The following BMPR1B variants were observed in gnomAD, a reference collection of about 807,000 sequenced individuals.
The protein encoded by BMPR1B is bone morphogenetic protein receptor type 1B.
A neutral mutation model predicts 59.1 loss-of-function variants in BMPR1B; 12 were observed. That is an observed-to-expected ratio of 0.20 (90% confidence interval 0.13 to 0.33). The LOEUF is 0.33. Among genes scored for constraint, BMPR1B ranks in the 10% least tolerant of loss-of-function variants. BMPR1B has a pLI of 1.00. For missense variants in BMPR1B, 550 were observed against 610.9 expected (o/e 0.90, Z 1.05); for synonymous variants, 237 against 207.3 (o/e 1.14, Z -1.23).
chr4:94,941,102 A>G (rs1448363637), intron 2 of BMPR1B, among the ~76,000 whole-genome samples: 1 of 152,146 alleles, frequency 6.6e-6, no homozygotes, highest in East Asian at 1.9e-4. Flanking sequence ...TAGTTGTAAA[A>G]CGGGCCTCCT....
At chr4:95,049,680 A>G (rs1726320043) in intron 3 of BMPR1B, among the ~76,000 whole-genome samples, 1 of 151,632 alleles carries the variant, frequency 6.6e-6, no homozygotes. Flanking sequence ...GTATTGCTGT[A>G]TAAGTTCAAT....
chr4:94,848,585 TAGAC>T (rs1725435958), intron 1 of BMPR1B, among the ~76,000 whole-genome samples: 2 of 151,254 alleles, frequency 1.3e-5, no homozygotes, highest in African/African-American at 2.4e-5. Flanking sequence ...ATTGGTCTCA[TAGAC>T]AGTCTTAAGG....
chr4:94,907,649 C>A (rs965077146), intron 2 of BMPR1B, among the ~76,000 whole-genome samples: 8 of 151,882 alleles, frequency 5.3e-5, no homozygotes, highest in African/African-American at 1.5e-4. Flanking sequence ...CCACGGCACC[C>A]TAGAGTCCAT....
Position 95,034,569 on chromosome 4 carries a change from C to T in BMPR1B, c.-18+38435C>T, listed in dbSNP as rs539959719. Among the ~76,000 whole-genome samples the T allele has an allele frequency of 1.1e-4, 17 of 152,082 alleles. No homozygotes were observed. The South Asian group carries it at 2.3e-3, about 20-fold the overall frequency. ...CCTGAATTATTTCACTTAGAATAAC[C>T]GCCTCCAGCTCCATCCAGATTACTG... On this transcript the variant is annotated intron_variant, in intron 3 of 12. Transcript: ENST00000515059.
chr4:94,912,964 C>CT (rs3836569), intron 2 of BMPR1B, among the ~76,000 whole-genome samples: 62,016 of 150,874 alleles, frequency 0.41, 14,698 homozygotes, highest in African/African-American at 0.65. Flanking sequence ...TGGTGTGCTG[C>CT]TTTTTTTTTC....
intron 2 of BMPR1B, among the ~76,000 whole-genome samples, chr4:94,919,008 A>G (rs1728589497): frequency 6.6e-6 from 1 of 152,124 alleles, no homozygotes; most frequent in Admixed American, 6.6e-5. Context: ...CATTTGGGTC[A>G]CATGTAGGTA....
At chr4:94,925,037 A>G (rs1182577699) in intron 2 of BMPR1B, among the ~76,000 whole-genome samples, 1 of 152,108 alleles carries the variant, frequency 6.6e-6, no homozygotes, top group African/African-American at 2.4e-5. Context: ...GTTTGTTTTG[A>G]GGTATACAAA....
intron 3 of BMPR1B, among the ~76,000 whole-genome samples, chr4:95,078,662 G>T (rs926807152): frequency 6.6e-6 from 1 of 152,182 alleles, no homozygotes; most frequent in African/African-American, 2.4e-5. Flanking sequence ...ACTGTGTTCA[G>T]AACCCTCTCA....
chr4:95,147,987 T>C (rs1734765730), intron 10 of BMPR1B, among the ~76,000 whole-genome samples: 1 of 152,210 alleles, frequency 6.6e-6, no homozygotes, highest in Admixed American at 6.5e-5. Context: ...AATGGGCCTG[T>C]TGTAAAATTT....
At position 94,962,557 on chromosome 4, in the gene BMPR1B, A is replaced by G. The variant is rs2149067862; in HGVS notation, c.-112-33483A>G. On this transcript the variant is annotated intron_variant, in intron 2 of 12. Coordinates refer to ENST00000515059, the MANE Select transcript of BMPR1B (RefSeq NM_001203.3). The stretch of plus-strand genomic sequence containing the variant: ...TGAGATCAGTTTTTTTTTAGCTCCC[A>G]CATATGAATGAGAACATGCCATATT... Among the ~76,000 whole-genome samples, 3 of 152,136 alleles carry G rather than the reference A, an allele frequency of 2.0e-5. No individual in the cohort carries two copies. The South Asian group carries it at 6.2e-4, about 32-fold the overall frequency.
intron 10 of BMPR1B, among the ~76,000 whole-genome samples, chr4:95,136,130 T>A (rs536242002): frequency 6.6e-6 from 1 of 152,252 alleles, no homozygotes; most frequent in South Asian, 2.1e-4. Flanking sequence ...TCATGTGGTT[T>A]TTGTCTTTGC....
chr4:94,933,699 C>G (rs967333862), intron 2 of BMPR1B, among the ~76,000 whole-genome samples: 11 of 152,108 alleles, frequency 7.2e-5, no homozygotes, highest in South Asian at 2.1e-4. Context: ...GACAGACTGT[C>G]ATTGTAAACT....
chr4:95,034,936 A>G (rs1166223082), intron 3 of BMPR1B, among the ~76,000 whole-genome samples: 3 of 152,094 alleles, frequency 2.0e-5, no homozygotes, highest in Non-Finnish European at 4.4e-5. Flanking sequence ...ATCCATGCCA[A>G]CATCTCTTAT....
intron 3 of BMPR1B, among the ~76,000 whole-genome samples, chr4:95,029,100 T>TTTA (rs1282651041): frequency 7.2e-5 from 11 of 152,080 alleles, no homozygotes; most frequent in Non-Finnish European, 1.0e-4. Context: ...TCTTATTTTT[T>TTTA]ATTATTGTTA....
At chr4:95,060,747 T>C (rs143281955) in intron 3 of BMPR1B, among the ~76,000 whole-genome samples, 6 of 152,266 alleles carry the variant, frequency 3.9e-5, no homozygotes, top group Non-Finnish European at 5.9e-5. Flanking sequence ...CCAGTTATAT[T>C]AAACAGATTA....
intron 2 of BMPR1B, among the ~76,000 whole-genome samples, chr4:94,966,091 G>T (rs1482683505): frequency 6.6e-6 from 1 of 152,166 alleles, no homozygotes; most frequent in Non-Finnish European, 1.5e-5. Flanking sequence ...TTTGAAATGG[G>T]ATGAAAGTTG....
At chr4:94,978,763 T>G (rs1290722858) in intron 2 of BMPR1B, among the ~76,000 whole-genome samples, 1 of 152,172 alleles carries the variant, frequency 6.6e-6, no homozygotes, top group Non-Finnish European at 1.5e-5. Context: ...AGTGGCCATC[T>G]GTATTGGTCT....
chr4:94,908,093 A>AAAAAAAAAG (rs1553917473), intron 2 of BMPR1B, among the ~76,000 whole-genome samples: 1 of 118,712 alleles, frequency 8.4e-6, no homozygotes, highest in African/African-American at 4.3e-5. Flanking sequence ...AAAAAAAAGA[A>AAAAAAAAAG]AAAACAAAAA....
chr4:94,990,060 C>T (rs1422536810), intron 2 of BMPR1B, among the ~76,000 whole-genome samples: 2 of 152,078 alleles, frequency 1.3e-5, no homozygotes, highest in Non-Finnish European at 2.9e-5. Context: ...TCAAGAGTAA[C>T]GAAAATATAA....
Sources: gnomAD v4.1 joint callset for allele counts (sites outside exome capture counted in the v4.1 genomes callset) on GRCh38, gnomAD v4.1.1 for gene constraint, MANE v1.5 for transcripts, NCBI Gene and HGNC (gene_info 2026-07-23, HGNC 2026-07-21) for gene names.